The following C4BPA variants were observed in gnomAD, a reference collection of about 807,000 sequenced individuals.
The protein encoded by C4BPA is complement component 4 binding protein alpha, also known as C4b-binding protein alpha chain.
C4BPA carries 31 observed loss-of-function variants against 63.7 expected under a neutral mutation model. The ratio of observed to expected loss-of-function variants is 0.49; its 90% CI spans 0.37 to 0.66. C4BPA has a LOEUF of 0.66. Among genes scored for constraint, C4BPA ranks in the 30% least tolerant of loss-of-function variants. The probability of loss-of-function intolerance (pLI) is 0.00; values close to 1 mark genes in which losing one functional copy is unlikely to be tolerated. For missense variants in C4BPA, 572 were observed against 723.3 expected, an observed-to-expected ratio of 0.79 and a Z score of 2.40; for synonymous variants, 259 against 254.7, an observed-to-expected ratio of 1.02 and a Z score of -0.16.
In C4BPA at chr1:207,144,524, C is replaced by T; in HGVS notation, c.1621-20C>T. ...TAGAAGAGAAGCTTCTCAATCACACCCACCACTTATATCTTTTAGGAGACC... is the reference window on the plus strand; with the variant it reads ...TAGAAGAGAAGCTTCTCAATCACACTCACCACTTATATCTTTTAGGAGACC... On this transcript the variant is annotated intron_variant, in intron 11 of 11. Transcript: ENST00000367070. 1.9e-6 allele frequency: 3 copies of T among 1,573,204 alleles called. No homozygotes were observed. The highest frequency in any genetic ancestry group is 2.6e-6 in the Non-Finnish European group (3 of 1,161,292).
intron 4 of C4BPA, among the ~76,000 whole-genome samples, chr1:207,116,471 G>A (rs1684788939): frequency 6.7e-6 from 1 of 150,226 alleles, no homozygotes; most frequent in African/African-American, 2.5e-5. Context: ...CCTTGATTCT[G>A]ATATATACTG....
chr1:207,135,898 G>T (rs562661154), intron 9 of C4BPA, among the ~76,000 whole-genome samples: 1 of 152,122 alleles, frequency 6.6e-6, no homozygotes, highest in African/African-American at 2.4e-5. Context: ...GCTGTGAGTG[G>T]GTTTTCTAGT....
Position 207,118,167 on chromosome 1 carries a change from C to A in C4BPA, c.428+2652C>A, listed in dbSNP as rs1338550657. The stretch of plus-strand genomic sequence containing the variant: ...TCTGTCTGTCTGTCTGTCTGTCTGT[C>A]TATCTATCTATATCTATCTATCTAT... On this transcript the variant is annotated intron_variant, in intron 4 of 11. Transcript: ENST00000367070. Among the ~76,000 whole-genome samples, 38 of 80,066 alleles carry A rather than the reference C, an allele frequency of 4.7e-4. 1 individual carries two copies. Among genetic ancestry groups the A allele is most frequent in the Admixed American group, 1.1e-3 (8 of 7,014 alleles). 52.5% of individuals were successfully genotyped at this position (80,066 alleles called of 152,430 possible).
intron 9 of C4BPA, among the ~76,000 whole-genome samples, chr1:207,140,035 A>C (rs1479617596): frequency 6.6e-6 from 1 of 152,198 alleles, no homozygotes; most frequent in Non-Finnish European, 1.5e-5. Context: ...TTTAATCTTC[A>C]TAACTCTCAG....
rs1558092842 is a variant in C4BPA at position 207,126,876 on chromosome 1, T to C, written c.870T>C (p.Ser290=). 1 of 1,612,694 alleles carries C rather than the reference T, an allele frequency of 6.2e-7. No individual in the cohort carries two copies. Among genetic ancestry groups the C allele is most frequent in the Non-Finnish European group, 8.5e-7 (1 of 1,179,276 alleles). Residue 290 remains serine (S), a synonymous_variant, in exon 7 of 12, where the codon TCT becomes TCC. Coordinates refer to ENST00000367070, the MANE Select transcript of C4BPA (RefSeq NM_000715.4). The part of the protein sequence containing the change: ...HCDADSKWNP[S]PPACEPNSCI... ...ATGCTGATAGCAAATGGAATCCTTCTCCTCCTGCTTGTGAGCCCAGTAAGT... is the reference window on the plus strand; with the variant it reads ...ATGCTGATAGCAAATGGAATCCTTCCCCTCCTGCTTGTGAGCCCAGTAAGT...
rs778982159 is a variant in C4BPA at position 207,131,643 on chromosome 1, G to A, written c.987G>A (p.Arg329=). The change falls in exon 8 of 12, where the codon AGG becomes AGA. Residue 329 remains arginine (R), a synonymous_variant. Coordinates refer to ENST00000367070, the MANE Select transcript of C4BPA (RefSeq NM_000715.4). The part of the protein sequence containing the change: ...EDVYVVGTVL[R]YRCHPGYKPT... ...TGTATGTTGTTGGGACTGTGTTAAG[G>A]TACCGCTGTCATCCTGGCTACAAAC... 8 of 1,613,740 alleles carry A rather than the reference G, an allele frequency of 5.0e-6. No homozygotes were observed. The highest frequency in any genetic ancestry group is 2.2e-5 in the South Asian group (2 of 91,072).
intron 4 of C4BPA, among the ~76,000 whole-genome samples, chr1:207,122,703 A>G (rs1572784457): frequency 6.6e-6 from 1 of 152,132 alleles, no homozygotes; most frequent in East Asian, 1.9e-4. Context: ...CCTCTCAAGT[A>G]GCTGGGACTA....
At chr1:207,144,225 G>A (rs972833878) in intron 11 of C4BPA, among the ~76,000 whole-genome samples, 1 of 152,104 alleles carries the variant, frequency 6.6e-6, no homozygotes, top group Non-Finnish European at 1.5e-5. Context: ...ACAGAGCAGG[G>A]TTTCATAGAC....
intron 7 of C4BPA, chr1:207,127,112 C>CA (rs1685063409): frequency 5.1e-6 from 2 of 390,674 alleles, no homozygotes; most frequent in African/African-American, 4.1e-5. Flanking sequence ...CCACATACCA[C>CA]AAGACTGTGC....
At position 207,124,463 on chromosome 1, in the gene C4BPA, A is replaced by G. The variant is rs2102340798; in HGVS notation, c.706+97A>G. The G allele has an allele frequency of 1.1e-5, 10 of 875,788 alleles. No homozygotes were observed. In the South Asian group the frequency reaches 1.6e-4, roughly 14 times the overall value. 54.3% of individuals were successfully genotyped at this position (875,788 alleles called of 1,614,324 possible). On this transcript the variant is annotated intron_variant, in intron 6 of 11. Transcript: ENST00000367070. ...TTATTGGGGGGCAAATGGAAAATTC[A>G]AAGATAAACTAACTATCGCTCTGAT... is the stretch of plus-strand genomic sequence containing the variant.
At chr1:207,105,874 C>T (rs1358341203) in intron 1 of C4BPA, among the ~76,000 whole-genome samples, 1 of 152,152 alleles carries the variant, frequency 6.6e-6, no homozygotes, top group African/African-American at 2.4e-5. Context: ...CACAAGGGAC[C>T]CGCCATGCTG....
At chr1:207,118,647 A>G (rs577705193) in intron 4 of C4BPA, among the ~76,000 whole-genome samples, 3 of 152,304 alleles carry the variant, frequency 2.0e-5, no homozygotes, top group African/African-American at 7.2e-5. Flanking sequence ...AGGAACTACA[A>G]TTCAATATGA....
intron 10 of C4BPA, among the ~76,000 whole-genome samples, chr1:207,141,692 T>G (rs1338187168): frequency 6.6e-6 from 1 of 152,106 alleles, no homozygotes; most frequent in Non-Finnish European, 1.5e-5. Context: ...GTGCAGGGCA[T>G]GCACCACCTG....
At chr1:207,113,270 AC>A in intron 2 of C4BPA, 103 bp downstream of exon 2, 1 of 1,264,304 alleles carries the variant, frequency 7.9e-7, no homozygotes, top group Non-Finnish European at 1.1e-6. Flanking sequence ...TCTAGCAGAG[AC>A]CCAGCTTCAT....
rs1429451128 is a variant in C4BPA, at chr1:207,124,145, T to C, written c.515-30T>C. ...GATTTATCATGATGCCTTCGCTGAG[T>C]ATTTCTTTCTCTTCACTCACTTACC... On this transcript the variant is annotated intron_variant, in intron 5 of 11. Transcript: ENST00000367070. The C allele has an allele frequency of 3.1e-6, 5 of 1,595,758 alleles. No individual in the cohort carries two copies. The South Asian group carries it at 5.5e-5, about 18-fold the overall frequency.
intron 4 of C4BPA, among the ~76,000 whole-genome samples, chr1:207,115,865 C>T (rs1043473464): frequency 1.4e-4 from 22 of 152,104 alleles, no homozygotes; most frequent in African/African-American, 5.3e-4. Context: ...AGAGTTTCCT[C>T]ATTAATTTCT....
intron 8 of C4BPA, among the ~76,000 whole-genome samples, chr1:207,132,626 G>T (rs1009072765): frequency 3.3e-5 from 5 of 152,132 alleles, no homozygotes; most frequent in African/African-American, 4.8e-5. Context: ...TAGAATAAAA[G>T]ATTTTAATAA....
rs1685411969 is a variant in C4BPA at position 207,141,362 on chromosome 1, G to A, written c.1444+86G>A. 20 of 1,017,182 alleles carry A rather than the reference G, an allele frequency of 2.0e-5. No individual in the cohort carries two copies. In the South Asian group the frequency reaches 3.5e-4, roughly 18 times the overall value. 63.0% of individuals were successfully genotyped at this position (1,017,182 alleles called of 1,614,324 possible). A position where few individuals can be genotyped will look rare whatever the true frequency, so the allele number is the denominator to read the frequency against. On this transcript the variant is annotated intron_variant, in intron 10 of 11. Coordinates refer to ENST00000367070, the MANE Select transcript of C4BPA (RefSeq NM_000715.4). The stretch of plus-strand genomic sequence containing the variant: ...AGAGCTAAGTTTCTTCCCTGTCAGA[G>A]GCAGCATGAAAACATTTGATTTGAT...
rs1684519626 is a variant in C4BPA, at chr1:207,104,382, T to A, written c.-74T>A. On this transcript the variant is annotated 5_prime_UTR_variant, in exon 1 of 12. Transcript: ENST00000367070. ...AAGGCAGTTTTCTTCTTTGAGAAAC[T>A]ATCCCAGATATCATCATAGAGTCTT... 1 of 152,238 alleles carries A rather than the reference T, an allele frequency of 6.6e-6. No individual in the cohort carries two copies. Among genetic ancestry groups the A allele is most frequent in the Non-Finnish European group, 1.5e-5 (1 of 68,048 alleles). The allele number at this position is 152,238 out of a possible 1,614,324, so 9.4% of individuals were successfully genotyped here.
Sources: allele counts gnomAD v4.1 joint callset (sites outside exome capture counted in the v4.1 genomes callset), GRCh38; gene constraint gnomAD v4.1.1; transcripts MANE v1.5; gene names NCBI Gene and HGNC (gene_info 2026-07-23, HGNC 2026-07-21).